Variants in C3 observed in about 807,000 individuals in gnomAD.
C3 encodes complement C3, also known as C3 and PZP-like alpha-2-macroglobulin domain-containing protein 1.
Under a neutral mutation model 207.9 loss-of-function variants are expected in C3, and 97 were observed. That is an observed-to-expected ratio of 0.47 (90% confidence interval 0.40 to 0.55). The LOEUF (loss-of-function observed/expected upper bound fraction) is 0.55. C3 is among the 20% of genes least tolerant of loss of function. The pLI is 0.00. For synonymous variants in C3, 848 were observed against 857.6 expected, an observed-to-expected ratio of 0.99 and a Z score of 0.20; for missense variants, 1,684 against 2,171.7, an observed-to-expected ratio of 0.78 and a Z score of 4.46.
chr19:6,715,558 A>G (rs1968011491), intron 4 of C3, among the ~76,000 whole-genome samples: 1 of 152,106 alleles, frequency 6.6e-6, no homozygotes, highest in African/African-American at 2.4e-5. Flanking sequence ...GGCAAGTGGC[A>G]TATCTGAAGG....
At chr19:6,701,830 T>A (rs190836578) in intron 19 of C3, among the ~76,000 whole-genome samples, 29 of 152,324 alleles carry the variant, frequency 1.9e-4, no homozygotes, top group Admixed American at 1.5e-3. Flanking sequence ...TGGCCCTGTC[T>A]CTTTAAATAA....
chr19:6,718,238 C>G lies in C3; in HGVS notation c.433+9G>C. 4 of 1,614,190 alleles carry G rather than the reference C, an allele frequency of 2.5e-6. No individual in the cohort carries two copies. The highest frequency in any genetic ancestry group is 3.4e-6 in the Non-Finnish European group (4 of 1,180,024). The stretch of plus-strand genomic sequence containing the variant: ...GTGCCCCGCCCTCTCCAGCCGCCCC[C>G]AGCCTCACCTGTGGAGCCAGGGGTG... On this transcript the variant is annotated intron_variant, in intron 3 of 40. Transcript: ENST00000245907.
intron 14 of C3, among the ~76,000 whole-genome samples, chr19:6,708,287 C>A (rs1214040246): frequency 6.6e-6 from 1 of 152,096 alleles, no homozygotes; most frequent in East Asian, 1.9e-4. Flanking sequence ...CAGGTGCATG[C>A]CACCATGCCC....
chr19:6,712,049 A>C (rs1967932490), intron 11 of C3, among the ~76,000 whole-genome samples: 1 of 151,788 alleles, frequency 6.6e-6, no homozygotes. Context: ...TGTCTATGCA[A>C]ATGGCAGGAC....
intron 4 of C3, among the ~76,000 whole-genome samples, chr19:6,715,595 CAT>C (rs1479030245): frequency 1.3e-5 from 2 of 150,554 alleles, no homozygotes; most frequent in East Asian, 3.9e-4. Flanking sequence ...GGAATTAAAA[CAT>C]ATAAAAATCT....
intron 33 of C3, chr19:6,682,627 T>C (rs777599939): frequency 7.2e-6 from 2 of 278,742 alleles, no homozygotes; most frequent in Non-Finnish European, 1.4e-5. Flanking sequence ...TGATCACGAG[T>C]AGTTGCATAT....
chr19:6,680,572 T>A (rs183799195), intron 35 of C3, among the ~76,000 whole-genome samples: 1 of 152,262 alleles, frequency 6.6e-6, no homozygotes, highest in African/African-American at 2.4e-5. Context: ...CAGAAGATCC[T>A]AAGGATTGCA....
chr19:6,689,633 G>A (rs1918121311), intron 27 of C3, among the ~76,000 whole-genome samples: 1 of 152,048 alleles, frequency 6.6e-6, no homozygotes, highest in Non-Finnish European at 1.5e-5. Context: ...ATCACTTGAG[G>A]TCAGGAGTTC....
chr19:6,705,888 A>T (rs1967764253), intron 17 of C3, among the ~76,000 whole-genome samples: 1 of 150,010 alleles, frequency 6.7e-6, no homozygotes. Flanking sequence ...TGGCCAGACT[A>T]GTCTTGAACT....
chr19:6,684,374 A>G lies in C3; in HGVS notation c.4172+14T>C. 6.2e-7 allele frequency: 1 copy of G among 1,610,876 alleles called. No homozygotes were observed. Among genetic ancestry groups the G allele is most frequent in the Non-Finnish European group, 8.5e-7 (1 of 1,177,028 alleles). On this transcript the variant is annotated intron_variant, in intron 33 of 40. Coordinates refer to ENST00000245907, the MANE Select transcript of C3 (RefSeq NM_000064.4). ...GGGATGGCCAAGATGAACCCCGGTG[A>G]CCTAGCTTCTTACCTGGTACAGATC...
At chr19:6,684,210 TCA>T in intron 33 of C3, 176 bp downstream of exon 33, 1 of 713,800 alleles carries the variant, frequency 1.4e-6, no homozygotes, top group Non-Finnish European at 2.6e-6. Context: ...TGCTGTGGTC[TCA>T]CATTAACATG....
At position 6,713,246 on chromosome 19, in the gene C3, C is replaced by T; in HGVS notation, c.946G>A (p.Ala316Thr). The change falls in exon 9 of 41, where the codon GCA becomes ACA. Residue 316 changes from alanine to threonine, a missense_variant. Transcript: ENST00000245907. ...VLLDGVQNPRAEDLVGKSLYV... is the reference protein window; with the variant it reads ...VLLDGVQNPRTEDLVGKSLYV... ...AAAGACTTCCCCACCAGGTCTTCTG[C>T]TCGGGGGTTCTGCACCCCGTCCAGC... is the stretch of plus-strand genomic sequence containing the variant. The T allele has an allele frequency of 6.2e-7, 1 of 1,613,680 alleles. No homozygotes were observed. The highest frequency in any genetic ancestry group is 8.5e-7 in the Non-Finnish European group (1 of 1,179,976).
Position 6,720,601 on chromosome 19 carries a change from A to G in C3, c.-12T>C, listed in dbSNP as rs745962116. The G allele has an allele frequency of 4.5e-6, 7 of 1,569,130 alleles. No homozygotes were observed. In the African/African-American group the frequency reaches 9.5e-5, roughly 21 times the overall value. On this transcript the variant is annotated 5_prime_UTR_variant, in exon 1 of 41. Coordinates refer to ENST00000245907, the MANE Select transcript of C3 (RefSeq NM_000064.4). Reference sequence around the variant, plus strand: ...GAGGTGGGTCCCATGGTGCTGGGACAGTGCAGGGTCAGAGGGACAGAGGGA... The same window carrying G: ...GAGGTGGGTCCCATGGTGCTGGGACGGTGCAGGGTCAGAGGGACAGAGGGA...
At chr19:6,696,869 G>A (rs1452910867) in intron 21 of C3, among the ~76,000 whole-genome samples, 1 of 151,234 alleles carries the variant, frequency 6.6e-6, no homozygotes, top group African/African-American at 2.4e-5. Context: ...GTGAAACCCT[G>A]TCTCTACTAA....
Position 6,702,122 on chromosome 19 carries a change from C to G in C3, c.2440+5G>C. The G allele has an allele frequency of 6.4e-7, 1 of 1,553,938 alleles. No individual in the cohort carries two copies. Among genetic ancestry groups the G allele is most frequent in the Non-Finnish European group, 8.9e-7 (1 of 1,126,920 alleles). The stretch of plus-strand genomic sequence containing the variant: ...TCCCGGGGACCAGCCAGCATCCTCT[C>G]TCACCTTTCTTGTCCGACATGCTCA... On this transcript the variant is annotated splice_donor_5th_base_variant and intron_variant, in intron 19 of 40. Transcript: ENST00000245907.
At position 6,713,213 on chromosome 19, in the gene C3, A is replaced by G. The variant is rs756210904; in HGVS notation, c.979T>C (p.Ser327Pro). 1 of 1,613,708 alleles carries G rather than the reference A, an allele frequency of 6.2e-7. No homozygotes were observed. The highest frequency in any genetic ancestry group is 1.7e-5 in the Admixed American group (1 of 60,020). ...EDLVGKSLYV[S>P]ATVILHSGSD... Reference sequence around the variant, plus strand: ...CCTGAGTGCAAGATGACGGTGGCAGACACGTACAAAGACTTCCCCACCAGG... The same window carrying G: ...CCTGAGTGCAAGATGACGGTGGCAGGCACGTACAAAGACTTCCCCACCAGG... The change falls in exon 9 of 41, where the codon TCT becomes CCT. Residue 327 changes from serine (S) to proline (P), a missense_variant. Physicochemically the swap from Ser to Pro is moderately conservative, Grantham distance 74. This residue lies in a region of C3 where 1,280 missense variants were observed against 1,739.1 expected (regional missense o/e 0.74). Coordinates refer to ENST00000245907, the MANE Select transcript of C3 (RefSeq NM_000064.4).
At chr19:6,680,285 G>C (rs755234930) in intron 35 of C3, 22 bp from the exon 36 acceptor site, 4 of 1,301,810 alleles carry the variant, frequency 3.1e-6, no homozygotes, top group Non-Finnish European at 4.5e-6. Flanking sequence ...GGAGGAGCTT[G>C]GTCAGTGGGG....
chr19:6,714,271 GTC>G, intron 5 of C3, 23 bp from the exon 6 acceptor site: 1 of 1,612,938 alleles, frequency 6.2e-7, no homozygotes, highest in Non-Finnish European at 8.5e-7. Context: ...CGGATGAGTG[GTC>G]TCTCAGGCCT....
intron 13 of C3, 99 bp from the exon 14 acceptor site, chr19:6,709,941 T>G (rs1367688628): frequency 1.9e-5 from 15 of 808,414 alleles, no homozygotes; most frequent in African/African-American, 3.2e-5. Flanking sequence ...ACAGAAAGGT[T>G]GGGGGGAGCC....
Sources: allele counts gnomAD v4.1 joint callset (sites outside exome capture counted in the v4.1 genomes callset), GRCh38; gene constraint gnomAD v4.1.1; regional missense constraint gnomAD v4.1.1; transcripts MANE v1.5; gene names NCBI Gene and HGNC (gene_info 2026-07-23, HGNC 2026-07-21).